HECTD4: variants seen among roughly 807,000 people sequenced by gnomAD.
HECTD4 encodes the protein HECT domain E3 ubiquitin protein ligase 4.
HECTD4 carries 114 observed loss-of-function variants against 471.5 expected under a neutral mutation model. The ratio of observed to expected loss-of-function variants is 0.24; its 90% CI spans 0.21 to 0.28. The LOEUF is 0.28. HECTD4 is among the 10% of genes least tolerant of loss of function. The probability of loss-of-function intolerance (pLI) is 1.00; values close to 1 mark genes in which losing one functional copy is unlikely to be tolerated. For missense variants in HECTD4, 3,866 were observed against 5,651.5 expected (o/e 0.68, Z 10.13); for synonymous variants, 2,012 against 2,256.0 (o/e 0.89, Z 3.07).
Position 112,263,707 on chromosome 12 carries a change from T to TATA in HECTD4, c.2748+376_2748+377insTAT, listed in dbSNP as rs1566091576. ...AAATTATTTAATGCTCCCAAGATTT[T>TATA]TATATATATATATATATACACACAC... On this transcript the variant is annotated intron_variant, in intron 17 of 75. Transcript: ENST00000682272. Among the ~76,000 whole-genome samples, 27 of 137,900 alleles carry TATA rather than the reference T, an allele frequency of 2.0e-4. No individual in the cohort carries two copies. The East Asian group carries it at 2.0e-3, about 10-fold the overall frequency. The allele number at this position is 137,900 out of a possible 152,430, so 90.5% of individuals were successfully genotyped here.
intron 66 of HECTD4, among the ~76,000 whole-genome samples, chr12:112,174,708 G>C (rs1271332041): frequency 5.9e-5 from 9 of 152,136 alleles, no homozygotes; most frequent in Non-Finnish European, 1.2e-4. Context: ...GGGATTATAG[G>C]CATGTGCCCC....
chr12:112,306,320 C>T, intron 6 of HECTD4, 86 bp from the exon 7 acceptor site: 1 of 1,097,510 alleles, frequency 9.1e-7, no homozygotes, highest in Non-Finnish European at 1.2e-6. Context: ...GCCATTATGC[C>T]CAAGATGAGA....
At position 112,179,024 on chromosome 12, in the gene HECTD4, G is replaced by A; in HGVS notation, c.11270C>T (p.Ala3757Val). 1 of 1,613,846 alleles carries A rather than the reference G, an allele frequency of 6.2e-7. No homozygotes were observed. Among genetic ancestry groups the A allele is most frequent in the Non-Finnish European group, 8.5e-7 (1 of 1,179,862 alleles). The change falls in exon 64 of 76, where the codon GCC becomes GTC. Residue 3757 changes from alanine (A) to valine (V), a missense_variant. Physicochemically the swap from Ala to Val is moderately conservative, Grantham distance 64. This residue lies in a region of HECTD4 where 715 missense variants were observed against 1,087.6 expected (regional missense o/e 0.66). Coordinates refer to ENST00000682272, the MANE Select transcript of HECTD4 (RefSeq NM_001388303.1). This position sits in a 1 kb window ranked among gnomAD's most constrained non-coding sequence, Gnocchi z 4.3. ...CTTCACGGGGTGCTGCTCCTTCCCGGCCTTGCTGTACTTGCTCTTGTCAAA... is the reference window on the plus strand; with the variant it reads ...CTTCACGGGGTGCTGCTCCTTCCCGACCTTGCTGTACTTGCTCTTGTCAAA... The part of the protein sequence containing the change: ...PKFDKSKYSK[A>V]GKEQHPVKVV...
chr12:112,344,121 C>A (rs2036102011), intron 1 of HECTD4, among the ~76,000 whole-genome samples: 1 of 152,194 alleles, frequency 6.6e-6, no homozygotes, highest in Non-Finnish European at 1.5e-5. Context: ...TCTCTCTCCA[C>A]AAGGCTTCCT....
chr12:112,243,686 G>C lies in HECTD4; in HGVS notation c.4725C>G (p.Asp1575Glu). 1 of 1,613,756 alleles carries C rather than the reference G, an allele frequency of 6.2e-7. No homozygotes were observed. Among genetic ancestry groups the C allele is most frequent in the Non-Finnish European group, 8.5e-7 (1 of 1,179,752 alleles). ...CTAGCAGGACACTGTAGGTGGGCTT[G>C]TCCCTGCTGTCCTCAATGGCCAGCG... Reference protein sequence around the residue: ...LQSLAIEDSRDKPTYSVLLGQ... With the variant: ...LQSLAIEDSREKPTYSVLLGQ... Residue 1575 changes from aspartate to glutamate, a missense_variant, in exon 31 of 76, where the codon GAC (aspartate) becomes GAG (glutamate). Around this residue, in one of 16 missense-constraint regions of HECTD4, gnomAD observed 229 missense variants for 386.4 expected, o/e 0.59. Transcript: ENST00000682272. The surrounding 1 kb of genome is among the most constrained non-coding windows in gnomAD (Gnocchi z 6.6).
intron 7 of HECTD4, among the ~76,000 whole-genome samples, chr12:112,299,429 A>G (rs111567090): frequency 3.1e-3 from 469 of 152,240 alleles, no homozygotes; most frequent in Non-Finnish European, 5.9e-3. Flanking sequence ...AGCCTGGACA[A>G]CATGGAGAAA....
rs2036909465 is a variant in HECTD4 at position 112,382,227 on chromosome 12, G to T, written c.-99C>A. On this transcript the variant is annotated 5_prime_UTR_variant, in exon 1 of 76. Coordinates refer to ENST00000682272, the MANE Select transcript of HECTD4 (RefSeq NM_001388303.1). ...ACCAGTCCATGGCAGCGGCCGCCGC[G>T]CCCGCCAGCGGCGCCCCACTTGCTG... 1 of 1,041,460 alleles carries T rather than the reference G, an allele frequency of 9.6e-7. No homozygotes were observed. The highest frequency in any genetic ancestry group is 1.2e-6 in the Non-Finnish European group (1 of 823,276). The allele number at this position is 1,041,460 out of a possible 1,614,324, so 64.5% of individuals were successfully genotyped here.
In HECTD4 at chr12:112,179,058, T is replaced by G; in HGVS notation, c.11236A>C (p.Lys3746Gln). 1 of 1,613,976 alleles carries G rather than the reference T, an allele frequency of 6.2e-7. No individual in the cohort carries two copies. Among genetic ancestry groups the G allele is most frequent in the Non-Finnish European group, 8.5e-7 (1 of 1,179,900 alleles). ...TQILRKYGVP[K>Q]PKFDKSKYSK... ...TACTTGCTCTTGTCAAACTTGGGCTTTGGCACGCCATACTTCCTCAGGATC... is the reference window on the plus strand; with the variant it reads ...TACTTGCTCTTGTCAAACTTGGGCTGTGGCACGCCATACTTCCTCAGGATC... Residue 3746 changes from lysine to glutamine, a missense_variant, in exon 64 of 76, where the codon AAG (lysine) becomes CAG (glutamine). By Grantham distance (53) the Lys-to-Gln change is moderately conservative. Coordinates refer to ENST00000682272, the MANE Select transcript of HECTD4 (RefSeq NM_001388303.1). The surrounding 1 kb of genome is among the most constrained non-coding windows in gnomAD (Gnocchi z 4.3).
chr12:112,369,340 CTTTTT>C (rs763174549), intron 1 of HECTD4, among the ~76,000 whole-genome samples: 2 of 129,228 alleles, frequency 1.5e-5, no homozygotes, highest in African/African-American at 2.9e-5. Context: ...CCTAGGATTT[CTTTTT>C]TTTTTTTTTT....
intron 60 of HECTD4, among the ~76,000 whole-genome samples, chr12:112,190,047 T>C (rs1421992907): frequency 2.0e-5 from 3 of 151,988 alleles, no homozygotes; most frequent in African/African-American, 7.3e-5. Flanking sequence ...AGCCACTGCG[T>C]CTGGCCCGAG....
intron 7 of HECTD4, chr12:112,301,836 T>G (rs1594026112): frequency 1.6e-6 from 1 of 632,106 alleles, no homozygotes; most frequent in African/African-American, 1.8e-5. Context: ...TTATTTTCAT[T>G]ATTTTTATGT....
intron 1 of HECTD4, among the ~76,000 whole-genome samples, chr12:112,363,992 C>CAAAA (rs1175386198): frequency 1.7e-4 from 9 of 52,844 alleles, no homozygotes; most frequent in Admixed American, 5.0e-4. Context: ...ACTCAATCTC[C>CAAAA]AAAAAAAAAA....
intron 62 of HECTD4, among the ~76,000 whole-genome samples, chr12:112,182,109 C>T (rs2137024173): frequency 6.6e-6 from 1 of 151,048 alleles, no homozygotes; most frequent in East Asian, 2.0e-4. Flanking sequence ...AAAAAGATTA[C>T]AATTTTATAC....
Position 112,264,320 on chromosome 12 carries a change from A to T in HECTD4, c.2620-108T>A, listed in dbSNP as rs186109026. ...TGACAAAGAAAACAAAAAGAGAAAT[A>T]AAAAAAACAGACCAAGTTAGTTTTT... On this transcript the variant is annotated intron_variant, in intron 16 of 75. Transcript: ENST00000682272. 2,965 of 1,108,168 alleles carry T rather than the reference A, an allele frequency of 2.7e-3. 9 individuals are homozygous for T. The highest frequency in any genetic ancestry group is 3.2e-3 in the Non-Finnish European group (2,725 of 838,742). 68.6% of individuals were successfully genotyped at this position (1,108,168 alleles called of 1,614,324 possible).
At chr12:112,223,464 G>C (rs993081679) in intron 44 of HECTD4, among the ~76,000 whole-genome samples, 1 of 152,138 alleles carries the variant, frequency 6.6e-6, no homozygotes, top group Non-Finnish European at 1.5e-5. Flanking sequence ...CTGTCTCCCA[G>C]GCTGGAGTGC....
chr12:112,171,895 T>G (rs2031235429), intron 67 of HECTD4, among the ~76,000 whole-genome samples: 1 of 152,208 alleles, frequency 6.6e-6, no homozygotes, highest in African/African-American at 2.4e-5. Context: ...AATTTATTTT[T>G]TGTGTGCAAT....
Position 112,298,479 on chromosome 12 carries a change from A to C in HECTD4, c.1335+7585T>G, listed in dbSNP as rs111760286. On this transcript the variant is annotated intron_variant, in intron 7 of 75. Coordinates refer to ENST00000682272, the MANE Select transcript of HECTD4 (RefSeq NM_001388303.1). Reference sequence around the variant, plus strand: ...TTTTTAATTTTTAAAAAATTATATTAATTTTTTTTTTTTTTTTTTGGTAGA... The same window carrying C: ...TTTTTAATTTTTAAAAAATTATATTCATTTTTTTTTTTTTTTTTTGGTAGA... Among the ~76,000 whole-genome samples the C allele has an allele frequency of 2.9e-3, 404 of 141,028 alleles. 6 individuals are homozygous for C. The highest frequency in any genetic ancestry group is 0.011 in the African/African-American group (394 of 36,506). The allele number at this position is 141,028 out of a possible 152,430, so 92.5% of individuals were successfully genotyped here. A position where few individuals can be genotyped will look rare whatever the true frequency, so the allele number is the denominator to read the frequency against.
At chr12:112,170,165 C>T (rs1019972080) in intron 69 of HECTD4, 168 bp downstream of exon 69, 1 of 920,444 alleles carries the variant, frequency 1.1e-6, no homozygotes, top group South Asian at 1.7e-5. Flanking sequence ...CTTCCCTGAG[C>T]TCCTGAGGGG....
intron 1 of HECTD4, among the ~76,000 whole-genome samples, chr12:112,341,429 C>T (rs892355420): frequency 1.3e-5 from 2 of 152,162 alleles, no homozygotes; most frequent in East Asian, 1.9e-4. Context: ...CCAGTGACTA[C>T]TCAATAAAAA....
Sources: gnomAD v4.1 joint callset for allele counts (sites outside exome capture counted in the v4.1 genomes callset) on GRCh38, gnomAD v4.1.1 for gene constraint, gnomAD v4.1.1 regional missense constraint, Gnocchi (gnomAD v3.1) non-coding constraint, MANE v1.5 for transcripts, NCBI Gene and HGNC (gene_info 2026-07-23, HGNC 2026-07-21) for gene names.